The following DCC variants were observed in gnomAD, a reference collection of about 807,000 sequenced individuals.
DCC encodes netrin receptor DCC.
In DCC, 58 loss-of-function variants were observed where a neutral mutation model predicts 172.5. The ratio of observed to expected loss-of-function variants is 0.34; its 90% CI spans 0.27 to 0.42. DCC has a LOEUF of 0.42. Among genes scored for constraint, DCC ranks in the 10% least tolerant of loss-of-function variants. The probability of loss-of-function intolerance (pLI) is 1.00; values close to 1 mark genes in which losing one functional copy is unlikely to be tolerated. For missense variants in DCC, 1,740 were observed against 1,791.0 expected (o/e 0.97, Z 0.51); for synonymous variants, 709 against 644.5 (o/e 1.10, Z -1.52).
At chr18:52,548,135 CCTTTT>C (rs2032666120) in intron 1 of DCC, among the ~76,000 whole-genome samples, 1 of 152,100 alleles carries the variant, frequency 6.6e-6, no homozygotes, top group Admixed American at 6.6e-5. Context: ...GTTAACATAG[CCTTTT>C]CTTTTCTTTT....
chr18:53,497,064 G>GGAAAATTGTGAAATTTCTTTCCCT, intron 26 of DCC, among the ~76,000 whole-genome samples: 1 of 152,260 alleles, frequency 6.6e-6, no homozygotes, highest in East Asian at 1.9e-4. Flanking sequence ...AGATTTTTGA[G>GGAAAATTGTGAAATTTCTTTCCCT]GAAAATTGTG....
chr18:53,315,505 A>T (rs186888549), intron 13 of DCC, among the ~76,000 whole-genome samples: 1,719 of 152,220 alleles, frequency 0.011, 14 homozygotes, highest in Middle Eastern at 0.024. Context: ...GTCAATTGGT[A>T]TTTCTGATTC....
At chr18:52,555,270 A>G (rs1054582844) in intron 1 of DCC, among the ~76,000 whole-genome samples, 1 of 152,132 alleles carries the variant, frequency 6.6e-6, no homozygotes, top group African/African-American at 2.4e-5. Context: ...ATAAACCTGA[A>G]GGAGGACTAA....
chr18:52,947,892 G>C (rs2040573816), intron 5 of DCC, among the ~76,000 whole-genome samples: 1 of 152,178 alleles, frequency 6.6e-6, no homozygotes, highest in Non-Finnish European at 1.5e-5. Flanking sequence ...GGTGGTATCA[G>C]TAAGGATAGC....
intron 14 of DCC, among the ~76,000 whole-genome samples, chr18:53,330,538 A>T (rs2057519192): frequency 6.6e-6 from 1 of 151,898 alleles, no homozygotes; most frequent in African/African-American, 2.4e-5. Flanking sequence ...TCCTCTCTAG[A>T]CCCCATAGTG....
intron 12 of DCC, among the ~76,000 whole-genome samples, chr18:53,299,039 T>A (rs1339008476): frequency 6.6e-6 from 1 of 152,128 alleles, no homozygotes; most frequent in Non-Finnish European, 1.5e-5. Context: ...CTAAGATGAG[T>A]AGTGAAACAT....
intron 7 of DCC, among the ~76,000 whole-genome samples, chr18:53,137,036 G>A (rs1056097612): frequency 1.3e-5 from 2 of 152,218 alleles, no homozygotes; most frequent in Admixed American, 6.5e-5. Context: ...CTAGGAAGAG[G>A]AGAGCAATAA....
intron 2 of DCC, among the ~76,000 whole-genome samples, chr18:52,773,014 G>T (rs1430473557): frequency 1.3e-5 from 2 of 152,174 alleles, no homozygotes; most frequent in Non-Finnish European, 2.9e-5. Context: ...TTGACTGTAT[G>T]GCTATAGCTA....
chr18:52,504,074 C>T (rs990867520), intron 1 of DCC, among the ~76,000 whole-genome samples: 1 of 152,134 alleles, frequency 6.6e-6, no homozygotes, highest in Non-Finnish European at 1.5e-5. Context: ...CTTAGAGATA[C>T]TAACCAGGAT....
At position 52,795,012 on chromosome 18, in the gene DCC, T is replaced by G. The variant is rs369074218; in HGVS notation, c.412+42638T>G. Reference sequence around the variant, plus strand: ...ATGATGTATTATCTTTTCAATGTGTTGTTGGATTAAGTTTGCTAATATTTT... The same window carrying G: ...ATGATGTATTATCTTTTCAATGTGTGGTTGGATTAAGTTTGCTAATATTTT... On this transcript the variant is annotated intron_variant, in intron 2 of 28. Transcript: ENST00000442544. 1.7e-4 allele frequency among the ~76,000 whole-genome samples: 26 copies of G among 152,132 alleles called. 1 individual carries two copies. The highest frequency in any genetic ancestry group is 6.0e-4 in the African/African-American group (25 of 41,558).
At chr18:52,423,764 G>A (rs368621587) in intron 1 of DCC, among the ~76,000 whole-genome samples, 25 of 152,156 alleles carry the variant, frequency 1.6e-4, no homozygotes, top group African/African-American at 5.3e-4. Context: ...TGCACAGGAG[G>A]GATCTTGAAA....
intron 8 of DCC, among the ~76,000 whole-genome samples, chr18:53,175,328 G>A (rs1330448954): frequency 2.0e-5 from 3 of 152,028 alleles, no homozygotes; most frequent in East Asian, 1.9e-4. Flanking sequence ...TCTGGCCAGG[G>A]CAATTAGGCA....
intron 1 of DCC, among the ~76,000 whole-genome samples, chr18:52,541,177 C>G (rs576064812): frequency 6.6e-6 from 1 of 152,112 alleles, no homozygotes; most frequent in African/African-American, 2.4e-5. Context: ...TAAGTCAAGA[C>G]GGGAAGCTGG....
At chr18:53,351,401 GTATA>G (rs1216427865) in intron 15 of DCC, among the ~76,000 whole-genome samples, 265 of 11,944 alleles carry the variant, frequency 0.022, 55 homozygotes, top group East Asian at 0.062. Flanking sequence ...TATATACAGT[GTATA>G]TATATATATA....
In DCC at chr18:52,917,485, G is replaced by A. The variant is rs148767222; in HGVS notation, c.698-6222G>A. Among the ~76,000 whole-genome samples the A allele has an allele frequency of 2.9e-4, 44 of 152,248 alleles. No individual in the cohort carries two copies. The East Asian group carries it at 3.3e-3, about 11-fold the overall frequency. On this transcript the variant is annotated intron_variant, in intron 3 of 28. Transcript: ENST00000442544. ...AAAAGTTCCTGAGACCCAACAGTTT[G>A]GGATTCACTGTCTGCATCGTTATTC...
At chr18:52,756,132 G>T (rs1217656714) in intron 2 of DCC, among the ~76,000 whole-genome samples, 1 of 152,178 alleles carries the variant, frequency 6.6e-6, no homozygotes, top group African/African-American at 2.4e-5. Flanking sequence ...TCATCATACT[G>T]GCTGAAATTT....
At chr18:52,554,596 G>T (rs930327674) in intron 1 of DCC, among the ~76,000 whole-genome samples, 1 of 152,072 alleles carries the variant, frequency 6.6e-6, no homozygotes, top group African/African-American at 2.4e-5. Flanking sequence ...TGCTAAACTT[G>T]ATGTTGTTCA....
At chr18:53,425,149 G>C (rs909770834) in intron 21 of DCC, among the ~76,000 whole-genome samples, 1 of 151,178 alleles carries the variant, frequency 6.6e-6, no homozygotes, top group Non-Finnish European at 1.5e-5. Context: ...CTTTTCTGAA[G>C]TGGCAACTTC....
chr18:52,754,551 C>T (rs1389631200), intron 2 of DCC, among the ~76,000 whole-genome samples: 1 of 152,192 alleles, frequency 6.6e-6, no homozygotes, highest in Non-Finnish European at 1.5e-5. Flanking sequence ...AGAGGACCCT[C>T]ATCAGAAACC....
Sources: gnomAD v4.1 joint callset for allele counts (sites outside exome capture counted in the v4.1 genomes callset) on GRCh38, gnomAD v4.1.1 for gene constraint, MANE v1.5 for transcripts, NCBI Gene and HGNC (gene_info 2026-07-23, HGNC 2026-07-21) for gene names.